WWC1: variants seen among roughly 807,000 people sequenced by gnomAD.
WWC1 encodes protein KIBRA.
A neutral mutation model predicts 138.4 loss-of-function variants in WWC1; 55 were observed. The observed-to-expected ratio is 0.40, with a 90% CI of 0.32 to 0.50. WWC1 has a LOEUF of 0.50. Ranked by LOEUF, WWC1 falls within the 20% of genes least tolerant of loss-of-function variation. The pLI is 0.72. For synonymous variants in WWC1, 524 were observed against 564.9 expected, an observed-to-expected ratio of 0.93 and a Z score of 1.03; for missense variants, 1,226 against 1,420.4, an observed-to-expected ratio of 0.86 and a Z score of 2.20.
At chr5:168,403,017 TCTTTCTTTC>T (rs1779443551) in intron 5 of WWC1, among the ~76,000 whole-genome samples, 1 of 92,150 alleles carries the variant, frequency 1.1e-5, no homozygotes, top group South Asian at 3.4e-4. Context: ...TTTCTTTCTT[TCTTTCTTTC>T]TTTCTTTCTT....
intron 2 of WWC1, among the ~76,000 whole-genome samples, chr5:168,379,357 C>T (rs1236509292): frequency 2.6e-5 from 4 of 152,050 alleles, no homozygotes; most frequent in African/African-American, 4.8e-5. Context: ...CGGAGGACCC[C>T]CTCAGGGTGT....
At chr5:168,392,940 C>T (rs531266037) in intron 3 of WWC1, among the ~76,000 whole-genome samples, 3 of 152,006 alleles carry the variant, frequency 2.0e-5, no homozygotes, top group Non-Finnish European at 4.4e-5. Context: ...GCTATATGGT[C>T]AGGAAACAAG....
rs898748342 is a variant in WWC1, at chr5:168,456,281, G to A, written c.2823+761G>A. On this transcript the variant is annotated intron_variant, in intron 19 of 22. Coordinates refer to ENST00000265293, the MANE Select transcript of WWC1 (RefSeq NM_015238.3). ...ATTGCGCCACAGCACTCCAGCCTGG[G>A]CAACAGAGTAAGACCCTATCTTAAA... Among the ~76,000 whole-genome samples, 4 of 151,842 alleles carry A rather than the reference G, an allele frequency of 2.6e-5. No individual in the cohort carries two copies. The South Asian group carries it at 8.3e-4, about 31-fold the overall frequency.
At chr5:168,314,955 A>C (rs1244493484) in intron 1 of WWC1, among the ~76,000 whole-genome samples, 2 of 152,058 alleles carry the variant, frequency 1.3e-5, no homozygotes, top group Non-Finnish European at 2.9e-5. Flanking sequence ...TTGCCCCAAC[A>C]CATTCCTGAG....
At chr5:168,306,145 C>T (rs1475549014) in intron 1 of WWC1, among the ~76,000 whole-genome samples, 1 of 152,102 alleles carries the variant, frequency 6.6e-6, no homozygotes, top group Non-Finnish European at 1.5e-5. Context: ...CGCCTGTAAT[C>T]CCAACACTTT....
At position 168,455,419 on chromosome 5, in the gene WWC1, C is replaced by G; in HGVS notation, c.2722C>G (p.Arg908Gly). ...CCCCACAGTGGTGCGACCTAAGGAC[C>G]GGAGAGTGGGCACCCCGTCCCAGGG... ...PSPTVVRPKD[R>G]RVGTPSQGPF... The change falls in exon 19 of 23, where the codon CGG becomes GGG. Residue 908 changes from arginine to glycine, a missense_variant. Physicochemically the swap from Arg to Gly is moderately radical, Grantham distance 125. This residue lies in a region of WWC1 where 1,016 missense variants were observed against 1,153.9 expected (regional missense o/e 0.88). Coordinates refer to ENST00000265293, the MANE Select transcript of WWC1 (RefSeq NM_015238.3). 2 of 1,611,686 alleles carry G rather than the reference C, an allele frequency of 1.2e-6. 1 individual carries two copies. The highest frequency in any genetic ancestry group is 3.3e-4 in the Middle Eastern group (2 of 6,056).
chr5:168,375,367 G>A (rs1173672058), intron 2 of WWC1, among the ~76,000 whole-genome samples: 3 of 152,052 alleles, frequency 2.0e-5, no homozygotes, highest in African/African-American at 4.8e-5. Flanking sequence ...GAGAATTGCC[G>A]ACAGTGTCGA....
chr5:168,444,440 G>A, intron 16 of WWC1, 54 bp from the exon 17 acceptor site: 2 of 1,502,276 alleles, frequency 1.3e-6, no homozygotes, highest in Middle Eastern at 1.7e-4. Flanking sequence ...ATTCCTGGCA[G>A]GTAGGGTGGC....
chr5:168,394,579 A>C (rs1778748514), intron 3 of WWC1, among the ~76,000 whole-genome samples: 1 of 152,012 alleles, frequency 6.6e-6, no homozygotes, highest in South Asian at 2.1e-4. Flanking sequence ...TACAAAAGTT[A>C]GCTGGGCGTG....
intron 17 of WWC1, among the ~76,000 whole-genome samples, chr5:168,446,141 G>A (rs1004057133): frequency 6.8e-6 from 1 of 147,066 alleles, no homozygotes; most frequent in African/African-American, 2.5e-5. Flanking sequence ...AAAGGTAACT[G>A]TGGAAAACAC....
rs1190928943 is a variant in WWC1, at chr5:168,430,166, T to C, written c.2030T>C (p.Ile677Thr). The C allele has an allele frequency of 1.2e-6, 2 of 1,614,008 alleles. No individual in the cohort carries two copies. Among genetic ancestry groups the C allele is most frequent in the Non-Finnish European group, 1.7e-6 (2 of 1,180,016 alleles). Residue 677 changes from isoleucine to threonine, a missense_variant, in exon 14 of 23, where the codon ATA (isoleucine) becomes ACA (threonine). Physicochemically the swap from Ile to Thr is moderately conservative, Grantham distance 89. Coordinates refer to ENST00000265293, the MANE Select transcript of WWC1 (RefSeq NM_015238.3). ...GATGAGAAGAATAAGCAATTTGCAA[T>C]ATTAATCATCCAGCTGAGTAACCTT... ...KYDEKNKQFA[I>T]LIIQLSNLSA...
At chr5:168,366,902 A>T (rs1000522138) in intron 1 of WWC1, among the ~76,000 whole-genome samples, 1 of 141,080 alleles carries the variant, frequency 7.1e-6, no homozygotes, top group Non-Finnish European at 1.5e-5. Flanking sequence ...GGTTCAAGCG[A>T]TTCTCCTGGC....
chr5:168,359,050 G>C (rs1295330442), intron 1 of WWC1, among the ~76,000 whole-genome samples: 1 of 151,534 alleles, frequency 6.6e-6, no homozygotes, highest in Non-Finnish European at 1.5e-5. Flanking sequence ...GTGTGTGTGT[G>C]TGTGTGTGTG....
In WWC1 at chr5:168,441,794, C is replaced by T; in HGVS notation, c.2393C>T (p.Pro798Leu). ...AAGAAACAGAGCAGGGAGCTCAAGCCAGTGGGAGTCATGGCCCCTGCCTCA... is the reference window on the plus strand; with the variant it reads ...AAGAAACAGAGCAGGGAGCTCAAGCTAGTGGGAGTCATGGCCCCTGCCTCA... ...YLKKQSRELK[P>L]VGVMAPASGP... The change falls in exon 16 of 23, where the codon CCA becomes CTA. Residue 798 changes from proline to leucine, a missense_variant. Physicochemically the swap from Pro to Leu is moderately conservative, Grantham distance 98 (BLOSUM62 -3). Coordinates refer to ENST00000265293, the MANE Select transcript of WWC1 (RefSeq NM_015238.3). The T allele has an allele frequency of 6.2e-7, 1 of 1,614,102 alleles. No individual in the cohort carries two copies.
intron 1 of WWC1, among the ~76,000 whole-genome samples, chr5:168,345,812 A>C (rs562166315): frequency 6.6e-6 from 1 of 152,296 alleles, no homozygotes; most frequent in South Asian, 2.1e-4. Context: ...GTGATCATCT[A>C]AGTGCAGGAA....
At chr5:168,305,842 G>A (rs10062684) in intron 1 of WWC1, among the ~76,000 whole-genome samples, 98,340 of 151,958 alleles carry the variant, frequency 0.65, 32,067 homozygotes, top group Middle Eastern at 0.76. Context: ...CTGTGGTATG[G>A]CCTGAGCATG....
chr5:168,409,476 T>C (rs1242945738), intron 7 of WWC1, among the ~76,000 whole-genome samples: 1 of 152,158 alleles, frequency 6.6e-6, no homozygotes, highest in Non-Finnish European at 1.5e-5. Context: ...TCTTTGTGAG[T>C]GCAGGGGTCT....
At chr5:168,407,386 C>T (rs188767124) in intron 6 of WWC1, among the ~76,000 whole-genome samples, 2 of 152,278 alleles carry the variant, frequency 1.3e-5, no homozygotes, top group Admixed American at 1.3e-4. Context: ...CTTACAGACC[C>T]ATTCTCTTAC....
At chr5:168,346,341 A>T (rs1387119310) in intron 1 of WWC1, among the ~76,000 whole-genome samples, 1 of 152,206 alleles carries the variant, frequency 6.6e-6, no homozygotes, top group East Asian at 1.9e-4. Context: ...ATGATCCAGG[A>T]ACCATACAGG....
Sources: gnomAD v4.1 joint callset for allele counts (sites outside exome capture counted in the v4.1 genomes callset) on GRCh38, gnomAD v4.1.1 for gene constraint, gnomAD v4.1.1 regional missense constraint, MANE v1.5 for transcripts, NCBI Gene and HGNC (gene_info 2026-07-23, HGNC 2026-07-21) for gene names.